Variants in ZNF148 observed in about 807,000 individuals in gnomAD.
ZNF148 encodes the protein zinc finger protein 148.
A neutral mutation model predicts 67.7 loss-of-function variants in ZNF148; 7 were observed. That is an observed-to-expected ratio of 0.10 (90% CI 0.06 to 0.19). The LOEUF is 0.19. Among genes scored for constraint, ZNF148 ranks in the 10% least tolerant of loss-of-function variants. The pLI is 1.00. For missense variants in ZNF148, 583 were observed against 947.1 expected (o/e 0.62, Z 5.05); for synonymous variants, 333 against 330.7 (o/e 1.01, Z -0.08).
At chr3:125,264,408 CAA>C (rs1937479453) in intron 7 of ZNF148, among the ~76,000 whole-genome samples, 1 of 152,114 alleles carries the variant, frequency 6.6e-6, no homozygotes, top group Non-Finnish European at 1.5e-5. Flanking sequence ...GGCTGGTGTC[CAA>C]AGAGTTGGAG....
At chr3:125,348,625 C>T (rs752599711) in intron 1 of ZNF148, among the ~76,000 whole-genome samples, 12 of 151,916 alleles carry the variant, frequency 7.9e-5, no homozygotes, top group Non-Finnish European at 1.5e-4. Context: ...AATGGAAACA[C>T]ATCCCATGTT....
At chr3:125,304,675 G>C (rs1007016323) in intron 4 of ZNF148, among the ~76,000 whole-genome samples, 1 of 152,160 alleles carries the variant, frequency 6.6e-6, no homozygotes, top group Non-Finnish European at 1.5e-5. Flanking sequence ...GATAGATATG[G>C]AAATTATAGA....
intron 2 of ZNF148, among the ~76,000 whole-genome samples, chr3:125,329,400 C>T (rs1360157331): frequency 7.6e-5 from 11 of 144,208 alleles, no homozygotes; most frequent in African/African-American, 2.6e-4. Context: ...CTCGCTCTGT[C>T]GCCCAGGCTG....
rs1027810356 is a variant in ZNF148, at chr3:125,328,637, T to C, written c.-153+2521A>G. 3.0e-4 allele frequency among the ~76,000 whole-genome samples: 45 copies of C among 150,682 alleles called. 1 individual carries two copies. The highest frequency in any genetic ancestry group is 4.7e-4 in the Non-Finnish European group (32 of 67,692). On this transcript the variant is annotated intron_variant, in intron 2 of 8. Transcript: ENST00000360647. The stretch of plus-strand genomic sequence containing the variant: ...CCTCATAAGTATATACAACTGTCAA[T>C]TGGAAAACTTAAAAAAAAAATGACA...
At chr3:125,243,667 C>A (rs991891768) in intron 7 of ZNF148, among the ~76,000 whole-genome samples, 1 of 152,080 alleles carries the variant, frequency 6.6e-6, no homozygotes, top group Non-Finnish European at 1.5e-5. Flanking sequence ...GGACCACAGG[C>A]ATGCACCACC....
At chr3:125,266,411 C>T (rs1363714255) in intron 7 of ZNF148, among the ~76,000 whole-genome samples, 2 of 152,080 alleles carry the variant, frequency 1.3e-5, no homozygotes, top group Non-Finnish European at 2.9e-5. Flanking sequence ...GGTATCAATA[C>T]CAAGAAGAAC....
intron 7 of ZNF148, among the ~76,000 whole-genome samples, chr3:125,236,437 G>A (rs1216401920): frequency 6.6e-6 from 1 of 152,010 alleles, no homozygotes; most frequent in East Asian, 1.9e-4. Context: ...AGGGGAAAAT[G>A]TTACTATGAG....
At chr3:125,273,683 T>A (rs1466180477) in intron 7 of ZNF148, among the ~76,000 whole-genome samples, 1 of 152,062 alleles carries the variant, frequency 6.6e-6, no homozygotes, top group East Asian at 1.9e-4. Context: ...TAGTAGAGAT[T>A]GGGTTTCACT....
At chr3:125,354,185 A>T (rs932913779) in intron 1 of ZNF148, among the ~76,000 whole-genome samples, 7 of 152,100 alleles carry the variant, frequency 4.6e-5, no homozygotes, top group African/African-American at 7.2e-5. Context: ...AAATTTCAAA[A>T]TTTTTTTAAA....
intron 4 of ZNF148, among the ~76,000 whole-genome samples, chr3:125,303,986 T>C (rs1939738059): frequency 6.6e-6 from 1 of 152,104 alleles, no homozygotes; most frequent in African/African-American, 2.4e-5. Context: ...GTCTTCTCTG[T>C]ACCATTTTTG....
At chr3:125,303,713 TTATAA>T (rs1346264365) in intron 4 of ZNF148, among the ~76,000 whole-genome samples, 1 of 151,792 alleles carries the variant, frequency 6.6e-6, no homozygotes, top group Non-Finnish European at 1.5e-5. Context: ...TCATTATATA[TTATAA>T]TATAATAATA....
At chr3:125,354,075 A>G (rs1942257291) in intron 1 of ZNF148, among the ~76,000 whole-genome samples, 1 of 152,154 alleles carries the variant, frequency 6.6e-6, no homozygotes, top group South Asian at 2.1e-4. Context: ...CATATACCAA[A>G]ATATTAAAAG....
In ZNF148 at chr3:125,233,159, G is replaced by A. The variant is rs1222860306; in HGVS notation, c.1567C>T (p.Leu523=). The change falls in exon 9 of 9, where the codon CTG becomes TTG. Residue 523 remains leucine (L), a synonymous_variant. Transcript: ENST00000360647. The surrounding 1 kb of genome is among the most constrained non-coding windows in gnomAD (Gnocchi z 5.1). ...TGATTACTCTTAATCTCCACATTCAGTGCCTGTGACTCTAATATGGATGCC... is the reference window on the plus strand; with the variant it reads ...TGATTACTCTTAATCTCCACATTCAATGCCTGTGACTCTAATATGGATGCC... ...TTASILESQA[L]NVEIKSNHDK... The A allele has an allele frequency of 6.2e-7, 1 of 1,613,680 alleles. No homozygotes were observed. The highest frequency in any genetic ancestry group is 1.7e-5 in the Admixed American group (1 of 59,956).
chr3:125,340,068 G>C (rs1941650149), intron 1 of ZNF148, among the ~76,000 whole-genome samples: 1 of 152,132 alleles, frequency 6.6e-6, no homozygotes. Flanking sequence ...TCCAAAGGTG[G>C]TAAAAAGGCA....
chr3:125,273,637 G>A (rs566416939), intron 7 of ZNF148, among the ~76,000 whole-genome samples: 7 of 151,978 alleles, frequency 4.6e-5, no homozygotes, highest in East Asian at 3.9e-4. Flanking sequence ...AGGACTAAAG[G>A]CATGTGCCAC....
chr3:125,226,721 A>AT lies in ZNF148; in HGVS notation c.*5619dup, dbSNP rs1491099721. 1.5e-5 allele frequency: 1 copy of AT among 67,268 alleles called. No homozygotes were observed. The highest frequency in any genetic ancestry group is 3.1e-5 in the Non-Finnish European group (1 of 31,960). 4.2% of individuals were successfully genotyped at this position (67,268 alleles called of 1,614,324 possible). ...TTGTTTTTACAATGACAATTAAAAC[A>AT]TATTTAAAGAAACAAAAAACCTCCC... On this transcript the variant is annotated 3_prime_UTR_variant, in exon 9 of 9. Transcript: ENST00000360647.
At chr3:125,260,261 G>A (rs978869997) in intron 7 of ZNF148, among the ~76,000 whole-genome samples, 1 of 151,990 alleles carries the variant, frequency 6.6e-6, no homozygotes, top group Non-Finnish European at 1.5e-5. Flanking sequence ...GAAACATGAT[G>A]CTGACAGACG....
intron 3 of ZNF148, among the ~76,000 whole-genome samples, chr3:125,322,248 G>A (rs953072850): frequency 4.0e-5 from 6 of 151,554 alleles, no homozygotes; most frequent in Non-Finnish European, 7.4e-5. Context: ...GGATGGTCTC[G>A]ATGTCCTGAC....
At position 125,227,767 on chromosome 3, in the gene ZNF148, A is replaced by T. The variant is rs1935697992; in HGVS notation, c.*4574T>A. The T allele has an allele frequency of 6.6e-6, 1 of 152,654 alleles. No homozygotes were observed. Among genetic ancestry groups the T allele is most frequent in the East Asian group, 1.9e-4 (1 of 5,204 alleles). 9.5% of individuals were successfully genotyped at this position (152,654 alleles called of 1,614,324 possible). On this transcript the variant is annotated 3_prime_UTR_variant, in exon 9 of 9. Coordinates refer to ENST00000360647, the MANE Select transcript of ZNF148 (RefSeq NM_021964.3). The stretch of plus-strand genomic sequence containing the variant: ...CATTACATATAAAAGATACCAGTGT[A>T]CTAAAAAGTGACAGAAGTGGACTAG...
Sources: gnomAD v4.1 joint callset for allele counts (sites outside exome capture counted in the v4.1 genomes callset) on GRCh38, gnomAD v4.1.1 for gene constraint, Gnocchi (gnomAD v3.1) non-coding constraint, MANE v1.5 for transcripts, NCBI Gene and HGNC (gene_info 2026-07-23, HGNC 2026-07-21) for gene names.